Variants in CLEC18B observed in about 807,000 individuals in gnomAD.
The protein encoded by CLEC18B is C-type lectin domain family 18 member B.
Under a neutral mutation model 60.4 loss-of-function variants are expected in CLEC18B, and 5 were observed. That is an observed-to-expected ratio of 0.08 (90% confidence interval 0.04 to 0.17). The LOEUF (loss-of-function observed/expected upper bound fraction) is 0.17. Ranked by LOEUF, CLEC18B falls within the 10% of genes least tolerant of loss-of-function variation. The pLI is 1.00. For missense variants in CLEC18B, 26 were observed against 572.8 expected, an observed-to-expected ratio of 0.05 and a Z score of 9.74; for synonymous variants, 16 against 221.2, an observed-to-expected ratio of 0.07 and a Z score of 8.23.
upstream of CLEC18B, chr16:74,422,181 T>C (rs1274588441): frequency 9.2e-5 from 14 of 151,960 alleles, no homozygotes; most frequent in Admixed American, 2.0e-4. Context: ...GGCCCGGCCG[T>C]GGCTGGCGTG....
rs2012982233 is a variant in CLEC18B, at chr16:74,408,777, T to C, written c.*229A>G. 1.6e-6 allele frequency: 1 copy of C among 607,592 alleles called. No individual in the cohort carries two copies. Among genetic ancestry groups the C allele is most frequent in the Non-Finnish European group, 3.0e-6 (1 of 333,186 alleles). The allele number at this position is 607,592 out of a possible 1,614,324, so 37.6% of individuals were successfully genotyped here. ...CTTCGCCATCTAATTGAAGCCCATC[T>C]TCCCAATCAAAAGCAGGCGAAGGGC... is the stretch of plus-strand genomic sequence containing the variant. On this transcript the variant is annotated 3_prime_UTR_variant, in exon 12 of 12. Transcript: ENST00000682950.
At chr16:74,416,442 A>C (rs1444476064) in intron 3 of CLEC18B, among the ~76,000 whole-genome samples, 3 of 152,148 alleles carry the variant, frequency 2.0e-5, no homozygotes, top group Non-Finnish European at 4.4e-5. Flanking sequence ...GCGCAGTCTC[A>C]GCTCACTGCA....
intron 10 of CLEC18B, among the ~76,000 whole-genome samples, chr16:74,410,319 G>A (rs1331366911): frequency 3.1e-4 from 47 of 151,780 alleles, no homozygotes; most frequent in Admixed American, 3.0e-3. Context: ...GGCTTCCTGG[G>A]TCCCTCTCTC....
intron 10 of CLEC18B, among the ~76,000 whole-genome samples, 160 bp downstream of exon 10, chr16:74,410,376 C>T (rs1162260760): frequency 1.3e-5 from 2 of 151,972 alleles, no homozygotes; most frequent in Admixed American, 6.6e-5. Flanking sequence ...ACCCCACCAC[C>T]GGCCCACACC....
At chr16:74,410,093 G>A (rs2013060495) in intron 10 of CLEC18B, among the ~76,000 whole-genome samples, 1 of 152,260 alleles carries the variant, frequency 6.6e-6, no homozygotes, top group South Asian at 2.1e-4. Context: ...GAGCAGGGTG[G>A]GGCCACGTGA....
At chr16:74,414,355 C>A (rs2013331294) in intron 3 of CLEC18B, among the ~76,000 whole-genome samples, 1 of 152,254 alleles carries the variant, frequency 6.6e-6, no homozygotes, top group African/African-American at 2.4e-5. Flanking sequence ...TGTGACTCTG[C>A]AGCTTTTTGC....
upstream of CLEC18B, among the ~76,000 whole-genome samples, chr16:74,424,243 T>G (rs2013763801): frequency 7.0e-6 from 1 of 143,098 alleles, no homozygotes; most frequent in Non-Finnish European, 1.5e-5. Context: ...GAAATCTTGT[T>G]GATGGTCTCA....
intron 10 of CLEC18B, among the ~76,000 whole-genome samples, chr16:74,410,223 G>C (rs1466271611): frequency 6.6e-6 from 1 of 152,300 alleles, no homozygotes; most frequent in African/African-American, 2.4e-5. Flanking sequence ...TGCAGGCAGA[G>C]GGCATGCAGA....
chr16:74,420,856 CCT>C (rs1387283659), intron 1 of CLEC18B, among the ~76,000 whole-genome samples: 7 of 117,672 alleles, frequency 5.9e-5, no homozygotes, highest in Admixed American at 9.9e-5. Context: ...CCCGCAGGCC[CCT>C]GTCTGGGGCT....
At chr16:74,418,799 C>CTT (rs562984142) in intron 2 of CLEC18B, among the ~76,000 whole-genome samples, 4 of 141,246 alleles carry the variant, frequency 2.8e-5, no homozygotes, top group Admixed American at 7.0e-5. Flanking sequence ...CCTCCCTCTT[C>CTT]TTTTTTTTTT....
intron 3 of CLEC18B, among the ~76,000 whole-genome samples, chr16:74,413,881 T>TTTAC (rs59885833): frequency 0.027 from 4,039 of 150,122 alleles, 3 homozygotes; most frequent in African/African-American, 0.098. Context: ...TATTTATTTA[T>TTTAC]TTATTTTTGA....
chr16:74,420,906 C>G (rs1479994537), intron 1 of CLEC18B, among the ~76,000 whole-genome samples: 2 of 121,306 alleles, frequency 1.6e-5, no homozygotes, highest in East Asian at 5.3e-4. Flanking sequence ...CCAGCCACAG[C>G]GCTCCTCGGC....
At chr16:74,416,242 GA>G (rs1462187695) in intron 3 of CLEC18B, among the ~76,000 whole-genome samples, 1 of 141,362 alleles carries the variant, frequency 7.1e-6, no homozygotes, top group Non-Finnish European at 1.5e-5. Context: ...CAGCCTGCGC[GA>G]CAGAGCGAGA....
rs200283157 is a variant in CLEC18B, at chr16:74,413,441, C to A, written c.554+138G>T. 313 of 1,421,968 alleles carry A rather than the reference C, an allele frequency of 2.2e-4. No homozygotes were observed. The East Asian group carries it at 6.8e-3, about 31-fold the overall frequency. The allele number at this position is 1,421,968 out of a possible 1,614,324, so 88.1% of individuals were successfully genotyped here. A position where few individuals can be genotyped will look rare whatever the true frequency, so the allele number is the denominator to read the frequency against. ...CTTTAGCACCCTCTGCCTTTCCTCT[C>A]CTCCCCTCTCCCACCAAGGGTGCAG... On this transcript the variant is annotated intron_variant, in intron 4 of 11. Coordinates refer to ENST00000682950, the MANE Select transcript of CLEC18B (RefSeq NM_001385193.1).
upstream of CLEC18B, among the ~76,000 whole-genome samples, chr16:74,423,413 G>A (rs1460330770): frequency 6.6e-6 from 1 of 152,296 alleles, no homozygotes; most frequent in East Asian, 1.9e-4. Flanking sequence ...CCCAGGCCGG[G>A]TGTGATGGCT....
intron 3 of CLEC18B, among the ~76,000 whole-genome samples, chr16:74,414,272 T>C (rs1391502410): frequency 6.6e-6 from 1 of 152,272 alleles, no homozygotes; most frequent in Non-Finnish European, 1.5e-5. Context: ...AAAAAAAGAC[T>C]GGAACGTCAA....
chr16:74,416,258 G>A (rs370683121), intron 3 of CLEC18B, among the ~76,000 whole-genome samples: 6 of 132,920 alleles, frequency 4.5e-5, no homozygotes, highest in Middle Eastern at 3.8e-3. Flanking sequence ...GCGAGACTCC[G>A]TCTCAAAAAA....
rs774940422 is a variant in CLEC18B, at chr16:74,409,368, G to A, written c.1303+182C>T. Reference sequence around the variant, plus strand: ...GGCCTTGCTGTATGAAGCTGGGCCCGTCATTGCCCCTCTGGGCTCAGGAGC... The same window carrying A: ...GGCCTTGCTGTATGAAGCTGGGCCCATCATTGCCCCTCTGGGCTCAGGAGC... On this transcript the variant is annotated intron_variant, in intron 11 of 11. Transcript: ENST00000682950. Among the ~76,000 whole-genome samples the A allele has an allele frequency of 3.9e-3, 583 of 149,134 alleles. 2 individuals carry two copies. The highest frequency in any genetic ancestry group is 0.01 in the Middle Eastern group (3 of 292).
intron 10 of CLEC18B, 129 bp from the exon 11 acceptor site, chr16:74,409,770 T>A (rs1232477190): frequency 6.2e-7 from 1 of 1,609,516 alleles, no homozygotes; most frequent in East Asian, 2.3e-5. Flanking sequence ...ACGGGGCTGC[T>A]GGGAGCCAGG....
Sources: gnomAD v4.1 joint callset for allele counts (sites outside exome capture counted in the v4.1 genomes callset) on GRCh38, gnomAD v4.1.1 for gene constraint, MANE v1.5 for transcripts, NCBI Gene and HGNC (gene_info 2026-07-23, HGNC 2026-07-21) for gene names.